PIK3CB: variants seen among roughly 807,000 people sequenced by gnomAD.
PIK3CB encodes the protein phosphatidylinositol 4,5-bisphosphate 3-kinase catalytic subunit beta isoform.
In PIK3CB, 39 loss-of-function variants were observed where a neutral mutation model predicts 136.8. The observed-to-expected ratio is 0.29, with a 90% CI of 0.22 to 0.37. PIK3CB has a LOEUF of 0.37. Ranked by LOEUF, PIK3CB falls within the 10% of genes least tolerant of loss-of-function variation. The pLI is 1.00. For missense variants in PIK3CB, 868 were observed against 1,275.4 expected (o/e 0.68, Z 4.87); for synonymous variants, 428 against 436.6 (o/e 0.98, Z 0.25).
At position 138,814,080 on chromosome 3, in the gene PIK3CB, C is replaced by T. The variant is rs200144581; in HGVS notation, c.-121-17513G>A. On this transcript the variant is annotated intron_variant, in intron 1 of 23. Transcript: ENST00000674063. ...TGATGAGGTATAATCCCATTTCTCC[C>T]ATTTTTAAGAGGACATGGAGGGACA... Among the ~76,000 whole-genome samples, 18 of 152,082 alleles carry T rather than the reference C, an allele frequency of 1.2e-4. No homozygotes were observed. The East Asian group carries it at 2.5e-3, about 21-fold the overall frequency.
chr3:138,709,951 G>T (rs2044461082), intron 10 of PIK3CB, among the ~76,000 whole-genome samples: 1 of 145,628 alleles, frequency 6.9e-6, no homozygotes, highest in Non-Finnish European at 1.5e-5. Context: ...CTGAGGAGGT[G>T]AAAATCACTT....
intron 1 of PIK3CB, chr3:138,825,790 G>A (rs768824899): frequency 4.9e-5 from 44 of 892,828 alleles, no homozygotes; most frequent in Non-Finnish European, 7.3e-5. Flanking sequence ...CTTTGCTCCA[G>A]TCAATGTTAC....
At chr3:138,660,014 G>A (rs563618145) in intron 21 of PIK3CB, among the ~76,000 whole-genome samples, 1 of 151,618 alleles carries the variant, frequency 6.6e-6, no homozygotes, top group African/African-American at 2.4e-5. Context: ...ATTAGGCTGA[G>A]AGTATACCTC....
chr3:138,654,423 G>C lies in PIK3CB; in HGVS notation c.*966C>G, dbSNP rs975979305. The C allele has an allele frequency of 3.5e-5, 8 of 226,602 alleles. No homozygotes were observed. The highest frequency in any genetic ancestry group is 5.3e-5 in the Non-Finnish European group (6 of 114,080). The allele number at this position is 226,602 out of a possible 1,614,324, so 14.0% of individuals were successfully genotyped here. ...TTACAAGTTTTAATAAATACAGTAA[G>C]AAGAGCTGGCATTTTTCTAAAATAC... On this transcript the variant is annotated 3_prime_UTR_variant, in exon 24 of 24. Transcript: ENST00000674063.
At chr3:138,825,872 A>G (rs1256191052) in intron 1 of PIK3CB, 4 of 1,474,822 alleles carry the variant, frequency 2.7e-6, no homozygotes, top group Non-Finnish European at 3.7e-6. Context: ...TGTGGACTTC[A>G]ATGTCAAGAA....
chr3:138,704,392 T>A (rs752875534), intron 12 of PIK3CB, 51 bp downstream of exon 12: 1 of 1,199,048 alleles, frequency 8.3e-7, no homozygotes, highest in Non-Finnish European at 1.2e-6. Context: ...AGATACCTAA[T>A]AATGTGCACA....
At chr3:138,715,833 T>A (rs1385750027) in intron 8 of PIK3CB, among the ~76,000 whole-genome samples, 1 of 151,844 alleles carries the variant, frequency 6.6e-6, no homozygotes, top group Non-Finnish European at 1.5e-5. Flanking sequence ...GCCAGACATA[T>A]CATAATATAG....
At chr3:138,774,977 ATTTG>A (rs924523570) in intron 2 of PIK3CB, among the ~76,000 whole-genome samples, 1 of 152,210 alleles carries the variant, frequency 6.6e-6, no homozygotes, top group African/African-American at 2.4e-5. Context: ...AGTACTTATC[ATTTG>A]TTTGTCTGTT....
At chr3:138,696,249 C>T (rs1374725795) in intron 13 of PIK3CB, among the ~76,000 whole-genome samples, 1 of 149,102 alleles carries the variant, frequency 6.7e-6, no homozygotes, top group African/African-American at 2.5e-5. Context: ...GTGGCACTAT[C>T]GTACCTCACT....
In PIK3CB at chr3:138,707,298, T is replaced by C. The variant is rs2044399249; in HGVS notation, c.1400-9A>G. On this transcript the variant is annotated splice_polypyrimidine_tract_variant and intron_variant, in intron 10 of 23. Coordinates refer to ENST00000674063, the MANE Select transcript of PIK3CB (RefSeq NM_006219.3). ...CATTTCTTCGAGTTCATCTAAAACA[T>C]GCAAATAATTTTGGTTCTTAAAAAA... is the stretch of plus-strand genomic sequence containing the variant. 6.3e-7 allele frequency: 1 copy of C among 1,586,568 alleles called. No individual in the cohort carries two copies. The highest frequency in any genetic ancestry group is 8.5e-7 in the Non-Finnish European group (1 of 1,171,034).
chr3:138,771,223 CTTT>C (rs34387538), intron 2 of PIK3CB, among the ~76,000 whole-genome samples: 3 of 129,804 alleles, frequency 2.3e-5, no homozygotes, highest in Non-Finnish European at 4.8e-5. Context: ...TTCATTTTGC[CTTT>C]TTTTTTTTTT....
chr3:138,708,263 C>CTTTTTTT (rs61178842), intron 10 of PIK3CB, among the ~76,000 whole-genome samples: 16 of 108,866 alleles, frequency 1.5e-4, no homozygotes, highest in South Asian at 3.3e-4. Flanking sequence ...TTTTCTTTTT[C>CTTTTTTT]TTTTTTTTTT....
At position 138,744,578 on chromosome 3, in the gene PIK3CB, T is replaced by C. The variant is rs144722096; in HGVS notation, c.398-1797A>G. 2.8e-4 allele frequency among the ~76,000 whole-genome samples: 42 copies of C among 152,048 alleles called. 1 individual carries two copies. In the East Asian group the frequency reaches 7.7e-3, roughly 28 times the overall value. On this transcript the variant is annotated intron_variant, in intron 4 of 23. Transcript: ENST00000674063. Reference sequence around the variant, plus strand: ...AGGCAGCAGACGCAGGCATACTGTATGTAACTTCACAGATATACATCATAA... The same window carrying C: ...AGGCAGCAGACGCAGGCATACTGTACGTAACTTCACAGATATACATCATAA...
intron 4 of PIK3CB, among the ~76,000 whole-genome samples, chr3:138,748,423 C>G (rs2045405967): frequency 6.6e-6 from 1 of 152,156 alleles, no homozygotes; most frequent in African/African-American, 2.4e-5. Flanking sequence ...CTCTGAGTCT[C>G]TGCCAAGCTC....
intron 8 of PIK3CB, among the ~76,000 whole-genome samples, chr3:138,721,246 T>C (rs763124364): frequency 1.3e-5 from 2 of 152,080 alleles, no homozygotes; most frequent in Admixed American, 6.5e-5. Context: ...CACTGCAACA[T>C]CCGCCTTCTG....
intron 12 of PIK3CB, 45 bp downstream of exon 12, chr3:138,704,398 G>C: frequency 7.8e-7 from 1 of 1,289,594 alleles, no homozygotes; most frequent in Non-Finnish European, 1.1e-6. Flanking sequence ...CTAATAATGT[G>C]CACAACTCCA....
intron 8 of PIK3CB, among the ~76,000 whole-genome samples, chr3:138,730,563 C>CAT (rs1341576847): frequency 1.4e-4 from 21 of 151,536 alleles, no homozygotes; most frequent in East Asian, 3.9e-4. Context: ...TAAACAAAAC[C>CAT]ATATATATAT....
chr3:138,738,302 G>A (rs989228830), intron 5 of PIK3CB, among the ~76,000 whole-genome samples: 1 of 152,070 alleles, frequency 6.6e-6, no homozygotes, highest in African/African-American at 2.4e-5. Context: ...CTCCTGAGGA[G>A]CTAGGATTAC....
rs1053427635 is a variant in PIK3CB, at chr3:138,799,891, C to G, written c.-121-3324G>C. On this transcript the variant is annotated intron_variant, in intron 1 of 23. Transcript: ENST00000674063. ...ACAGGGTTTTGCCATGTTGCCCAGG[C>G]TGGTCTCGAACTCCTGTGCTCAAGA... 5.3e-5 allele frequency among the ~76,000 whole-genome samples: 8 copies of G among 152,180 alleles called. No homozygotes were observed. In the East Asian group the frequency reaches 1.5e-3, roughly 29 times the overall value.
Sources: allele counts gnomAD v4.1 joint callset (sites outside exome capture counted in the v4.1 genomes callset), GRCh38; gene constraint gnomAD v4.1.1; transcripts MANE v1.5; gene names NCBI Gene and HGNC (gene_info 2026-07-23, HGNC 2026-07-21).